Variants in XRCC4 observed in about 807,000 individuals in gnomAD.
The protein encoded by XRCC4 is DNA repair protein XRCC4.
Under a neutral mutation model 39.1 loss-of-function variants are expected in XRCC4, and 28 were observed. That is an observed-to-expected ratio of 0.72 (90% CI 0.53 to 0.98). The LOEUF is 0.98. Among genes scored for constraint, XRCC4 ranks in the 50% least tolerant of loss-of-function variants. The pLI is 0.00. For missense variants in XRCC4, 350 were observed against 376.4 expected, an observed-to-expected ratio of 0.93 and a Z score of 0.58; for synonymous variants, 123 against 126.4, an observed-to-expected ratio of 0.97 and a Z score of 0.18.
the XRCC4 span, among the ~76,000 whole-genome samples, chr5:83,362,293 G>GAAAAAAA: frequency 1.7e-5 from 1 of 59,954 alleles, no homozygotes; most frequent in Non-Finnish European, 2.8e-5. Flanking sequence ...TGCTATTTAG[G>GAAAAAAA]CAAAAAAAAA....
At chr5:83,261,283 C>A (rs1014159799) in intron 7 of XRCC4, among the ~76,000 whole-genome samples, 10 of 151,942 alleles carry the variant, frequency 6.6e-5, no homozygotes, top group African/African-American at 2.4e-4. Context: ...AAACTGCTAC[C>A]TATTTTCCTC....
chr5:83,144,410 A>G (rs1748340283), intron 3 of XRCC4, among the ~76,000 whole-genome samples: 1 of 152,088 alleles, frequency 6.6e-6, no homozygotes, highest in Non-Finnish European at 1.5e-5. Flanking sequence ...ATATCCTTAC[A>G]AACTTCACCT....
chr5:83,105,270 C>T (rs1409709092), intron 2 of XRCC4, among the ~76,000 whole-genome samples: 6 of 152,038 alleles, frequency 3.9e-5, no homozygotes, highest in Non-Finnish European at 8.8e-5. Flanking sequence ...TTCCGGTTAC[C>T]ATTTGAATCT....
At chr5:83,278,448 T>C (rs1754411758) in intron 7 of XRCC4, among the ~76,000 whole-genome samples, 1 of 152,188 alleles carries the variant, frequency 6.6e-6, no homozygotes, top group Non-Finnish European at 1.5e-5. Context: ...AGAAATTTAC[T>C]TCTCACAGTT....
intron 6 of XRCC4, among the ~76,000 whole-genome samples, chr5:83,248,060 G>A (rs1216846964): frequency 6.6e-6 from 1 of 152,032 alleles, no homozygotes; most frequent in Non-Finnish European, 1.5e-5. Context: ...ATTGAGACAA[G>A]GGTTGGTGAG....
At chr5:83,356,905 G>A (rs1026030569), downstream of XRCC4, among the ~76,000 whole-genome samples, 4 of 152,054 alleles carry the variant, frequency 2.6e-5, no homozygotes, top group African/African-American at 9.7e-5. Context: ...TATGGCTCCA[G>A]CCTCATTACA....
intron 6 of XRCC4, among the ~76,000 whole-genome samples, chr5:83,239,041 T>A (rs951088941): frequency 2.0e-5 from 3 of 152,228 alleles, no homozygotes; most frequent in African/African-American, 7.2e-5. Flanking sequence ...TCTCACAGAA[T>A]TTTAAATTTT....
At chr5:83,367,793 A>G in the XRCC4 span, among the ~76,000 whole-genome samples, 1 of 147,696 alleles carries the variant, frequency 6.8e-6, no homozygotes, top group Admixed American at 6.8e-5. Context: ...GGGTTTCACT[A>G]TGTTGGCCAG....
In XRCC4 at chr5:83,078,247, A is replaced by G. The variant is rs1194699423; in HGVS notation, c.-11+632A>G. Among the ~76,000 whole-genome samples, 3 of 152,226 alleles carry G rather than the reference A, an allele frequency of 2.0e-5. No individual in the cohort carries two copies. In the East Asian group the frequency reaches 5.8e-4, roughly 29 times the overall value. ...CCCATTAGGTGAGGTTCTACTACAC[A>G]CACACGTTTTTCTTTCTGCATTTTA... is the stretch of plus-strand genomic sequence containing the variant. On this transcript the variant is annotated intron_variant, in intron 1 of 7. Transcript: ENST00000396027.
At chr5:83,213,514 T>C (rs1751733008) in intron 6 of XRCC4, among the ~76,000 whole-genome samples, 1 of 152,096 alleles carries the variant, frequency 6.6e-6, no homozygotes, top group African/African-American at 2.4e-5. Context: ...ATTTGCCACA[T>C]ATAAAGATAT....
intron 7 of XRCC4, among the ~76,000 whole-genome samples, chr5:83,305,289 T>G (rs1195837920): frequency 6.6e-6 from 1 of 151,978 alleles, no homozygotes; most frequent in Non-Finnish European, 1.5e-5. Context: ...AACTTCAGGT[T>G]TTTTTTTGTT....
intron 7 of XRCC4, among the ~76,000 whole-genome samples, chr5:83,331,122 T>C (rs542492704): frequency 6.6e-6 from 1 of 152,176 alleles, no homozygotes; most frequent in South Asian, 2.1e-4. Flanking sequence ...AGAAGTAGAT[T>C]CTGTTGTGCT....
At chr5:83,114,850 A>G (rs1403967266) in intron 3 of XRCC4, among the ~76,000 whole-genome samples, 1 of 152,194 alleles carries the variant, frequency 6.6e-6, no homozygotes, top group Non-Finnish European at 1.5e-5. Flanking sequence ...TTACACTGCT[A>G]ATAAAGACAT....
chr5:83,170,884 T>TA lies in XRCC4; in HGVS notation c.316-24885dup, dbSNP rs1175218819. 2.0e-5 allele frequency among the ~76,000 whole-genome samples: 3 copies of TA among 152,298 alleles called. No individual in the cohort carries two copies. In the East Asian group the frequency reaches 5.8e-4, roughly 29 times the overall value. On this transcript the variant is annotated intron_variant, in intron 3 of 7. Coordinates refer to ENST00000396027, the MANE Select transcript of XRCC4 (RefSeq NM_003401.5). ...CGGGCGGGAATCTTGAGAGCCATCT[T>TA]AGAGTTTTGGCTACTACTAAGATAA...
intron 7 of XRCC4, among the ~76,000 whole-genome samples, chr5:83,298,120 A>G (rs533533726): frequency 2.0e-5 from 3 of 151,954 alleles, no homozygotes; most frequent in Admixed American, 1.3e-4. Context: ...AATAAGTTCA[A>G]CAAAGTCGTA....
intron 3 of XRCC4, among the ~76,000 whole-genome samples, chr5:83,133,860 G>A (rs1393519575): frequency 1.3e-5 from 2 of 152,204 alleles, no homozygotes; most frequent in Non-Finnish European, 2.9e-5. Context: ...CACTTGAGGA[G>A]CCCTTCAGGC....
At chr5:83,168,505 C>T (rs967186101) in intron 3 of XRCC4, among the ~76,000 whole-genome samples, 2 of 152,104 alleles carry the variant, frequency 1.3e-5, no homozygotes, top group Non-Finnish European at 2.9e-5. Flanking sequence ...TGTATTTTAA[C>T]AAGGTTACTA....
chr5:83,123,571 A>G (rs930466864), intron 3 of XRCC4, among the ~76,000 whole-genome samples: 1 of 151,834 alleles, frequency 6.6e-6, no homozygotes, highest in Non-Finnish European at 1.5e-5. Flanking sequence ...TGGTTTAAAA[A>G]TCTACTATCT....
intron 7 of XRCC4, among the ~76,000 whole-genome samples, chr5:83,270,949 C>T (rs576667228): frequency 6.6e-6 from 1 of 151,972 alleles, no homozygotes; most frequent in African/African-American, 2.4e-5. Flanking sequence ...CCATGCCCAG[C>T]TAATTTTTGT....
Sources: allele counts gnomAD v4.1 joint callset (sites outside exome capture counted in the v4.1 genomes callset), GRCh38; gene constraint gnomAD v4.1.1; transcripts MANE v1.5; gene names NCBI Gene and HGNC (gene_info 2026-07-23, HGNC 2026-07-21).